The following RBFOX1 variants were observed in gnomAD, a reference collection of about 807,000 sequenced individuals.
RBFOX1 encodes the protein RNA binding protein fox-1 homolog 1.
In RBFOX1, 8 loss-of-function variants were observed where a neutral mutation model predicts 57.7. The ratio of observed to expected loss-of-function variants is 0.14; its 90% CI spans 0.08 to 0.25. The LOEUF (loss-of-function observed/expected upper bound fraction) is 0.25, where lower values mean the gene tolerates loss of function less well. Among genes scored for constraint, RBFOX1 ranks in the 10% least tolerant of loss-of-function variants. The pLI, the probability that RBFOX1 is intolerant of heterozygous loss-of-function variation, is 1.00. For missense variants in RBFOX1, 611 were observed against 548.5 expected (o/e 1.11, Z -1.14); for synonymous variants, 326 against 222.4 (o/e 1.47, Z -4.15).
chr16:7,216,751 A>G (rs1260767084), intron 4 of RBFOX1, among the ~76,000 whole-genome samples: 1 of 152,166 alleles, frequency 6.6e-6, no homozygotes, highest in Non-Finnish European at 1.5e-5. Context: ...AGCCTGAGCT[A>G]TTGTTATAAT....
chr16:5,699,265 A>G (rs751246046), intron 3 of RBFOX1, among the ~76,000 whole-genome samples: 15 of 151,920 alleles, frequency 9.9e-5, no homozygotes, highest in Non-Finnish European at 1.8e-4. Flanking sequence ...TCGGTTTTCT[A>G]TGCAGTTATA....
At chr16:6,904,654 C>G (rs940775219) in intron 3 of RBFOX1, among the ~76,000 whole-genome samples, 1 of 129,278 alleles carries the variant, frequency 7.7e-6, no homozygotes, top group Non-Finnish European at 1.6e-5. Context: ...AAAATTCATA[C>G]ATCTTGTACC....
intron 1 of RBFOX1, among the ~76,000 whole-genome samples, chr16:5,323,402 A>G (rs1265406079): frequency 1.3e-5 from 2 of 152,160 alleles, no homozygotes; most frequent in Non-Finnish European, 2.9e-5. Context: ...CGTGACCCGC[A>G]GTTCGAAAAA....
At chr16:5,847,381 A>G (rs1236425159) in intron 3 of RBFOX1, among the ~76,000 whole-genome samples, 1 of 151,020 alleles carries the variant, frequency 6.6e-6, no homozygotes, top group African/African-American at 2.4e-5. Flanking sequence ...TGGGGGGGGA[A>G]TCTTAAAATA....
intron 4 of RBFOX1, among the ~76,000 whole-genome samples, chr16:5,969,477 ATTTTT>A (rs34622040): frequency 3.2e-4 from 38 of 117,040 alleles, no homozygotes; most frequent in Admixed American, 2.8e-4. Flanking sequence ...ACGCCTGGCT[ATTTTT>A]TTTTTTTTTT....
At chr16:6,190,895 T>C (rs377175924) in intron 1 of RBFOX1, among the ~76,000 whole-genome samples, 1 of 152,118 alleles carries the variant, frequency 6.6e-6, no homozygotes, top group East Asian at 1.9e-4. Flanking sequence ...ATCTTGTGTG[T>C]GGTGTGACTG....
intron 3 of RBFOX1, among the ~76,000 whole-genome samples, chr16:5,823,534 A>G (rs1264444616): frequency 2.0e-5 from 3 of 152,146 alleles, no homozygotes; most frequent in African/African-American, 7.2e-5. Flanking sequence ...TCCATGGCCT[A>G]TTAGGAACCC....
chr16:6,010,314 C>G (rs945960172), intron 4 of RBFOX1, among the ~76,000 whole-genome samples: 1 of 152,224 alleles, frequency 6.6e-6, no homozygotes, highest in Non-Finnish European at 1.5e-5. Flanking sequence ...GTGATGGAAA[C>G]TGGTGAATGT....
intron 3 of RBFOX1, among the ~76,000 whole-genome samples, chr16:6,716,235 A>C (rs2154156256): frequency 6.6e-6 from 1 of 152,308 alleles, no homozygotes; most frequent in African/African-American, 2.4e-5. Flanking sequence ...TGCTTCTCTT[A>C]GTATGTATTT....
chr16:5,945,478 T>C (rs2152270368), intron 4 of RBFOX1, among the ~76,000 whole-genome samples: 1 of 152,350 alleles, frequency 6.6e-6, no homozygotes, highest in South Asian at 2.1e-4. Flanking sequence ...GCTCTAGGCA[T>C]GTGCCAGGCT....
chr16:7,614,323 T>C (rs2058067822), intron 10 of RBFOX1: 2 of 152,332 alleles, frequency 1.3e-5, no homozygotes, highest in Admixed American at 6.5e-5. Flanking sequence ...CCCCTTTTAG[T>C]TGTAATTCAC....
In RBFOX1 at chr16:5,923,071, C is replaced by T. The variant is rs550321063; in HGVS notation, c.351+55736C>T. ...GGCCTTGGATGGTTTTCACATTAACCTCTTCCGCTGCTTGCTGGAGCAGCT... is the reference window on the plus strand; with the variant it reads ...GGCCTTGGATGGTTTTCACATTAACTTCTTCCGCTGCTTGCTGGAGCAGCT... On this transcript the variant is annotated intron_variant, in intron 4 of 19. Coordinates refer to the RBFOX1 transcript ENST00000641259. Among the ~76,000 whole-genome samples, 8 of 152,260 alleles carry T rather than the reference C, an allele frequency of 5.3e-5. No individual in the cohort carries two copies. In the East Asian group the frequency reaches 1.5e-3, roughly 29 times the overall value.
intron 2 of RBFOX1, among the ~76,000 whole-genome samples, chr16:6,522,857 C>T (rs1165853623): frequency 7.2e-6 from 1 of 138,942 alleles, no homozygotes; most frequent in African/African-American, 2.5e-5. Flanking sequence ...TCACAAACTT[C>T]TCTCTCTAGC....
chr16:7,451,473 G>A (rs886577464), intron 4 of RBFOX1, among the ~76,000 whole-genome samples: 10 of 152,112 alleles, frequency 6.6e-5, no homozygotes, highest in Non-Finnish European at 1.2e-4. Flanking sequence ...GCTCGGGACC[G>A]TAATGCAAGC....
chr16:6,863,646 C>T (rs1180915288), intron 3 of RBFOX1, among the ~76,000 whole-genome samples: 1 of 125,564 alleles, frequency 8.0e-6, no homozygotes. Flanking sequence ...ATCAAAATAC[C>T]AAGGTTCTGT....
At chr16:6,998,203 G>A (rs1394929209) in intron 3 of RBFOX1, among the ~76,000 whole-genome samples, 1 of 152,114 alleles carries the variant, frequency 6.6e-6, no homozygotes, top group Non-Finnish European at 1.5e-5. Context: ...GATTAGTAGT[G>A]ATTTAGCTAT....
intron 2 of RBFOX1, among the ~76,000 whole-genome samples, chr16:6,487,024 C>T (rs1027239945): frequency 2.0e-5 from 3 of 151,966 alleles, no homozygotes; most frequent in East Asian, 1.9e-4. Context: ...GGTTTGGAAA[C>T]CATCGCATAT....
At chr16:6,512,065 G>A (rs1029350437) in intron 2 of RBFOX1, among the ~76,000 whole-genome samples, 4 of 151,572 alleles carry the variant, frequency 2.6e-5, no homozygotes, top group Non-Finnish European at 4.4e-5. Flanking sequence ...GAGCCCAGGA[G>A]TTCAAGACCA....
intron 3 of RBFOX1, among the ~76,000 whole-genome samples, chr16:6,972,286 T>C (rs955180447): frequency 6.6e-6 from 1 of 152,156 alleles, no homozygotes; most frequent in African/African-American, 2.4e-5. Context: ...ACTGTCATTC[T>C]ACTTTTTGTC....
Sources: allele counts gnomAD v4.1 joint callset (sites outside exome capture counted in the v4.1 genomes callset), GRCh38; gene constraint gnomAD v4.1.1; transcripts MANE v1.5; gene names NCBI Gene and HGNC (gene_info 2026-07-23, HGNC 2026-07-21).